FAM221B: variants seen among roughly 807,000 people sequenced by gnomAD.
FAM221B encodes family with sequence similarity 221 member B.
A neutral mutation model predicts 39.8 loss-of-function variants in FAM221B; 35 were observed. That is an observed-to-expected ratio of 0.88 (90% confidence interval 0.67 to 1.17). The LOEUF is 1.17. Ranked by LOEUF, FAM221B falls within the 50% of genes most tolerant of loss-of-function variation. The pLI is 0.00. For synonymous variants in FAM221B, 158 were observed against 178.1 expected (o/e 0.89, Z 0.90); for missense variants, 479 against 503.1 (o/e 0.95, Z 0.46).
chr9:35,828,646 T>C lies in FAM221B; in HGVS notation c.-184A>G. ...TATCTGGGAAGGGGACTTGGATATC[T>C]GCAGAACTTCGCAAAGGAGCTCTGG... On this transcript the variant is annotated 5_prime_UTR_variant, in exon 1 of 7. Coordinates refer to ENST00000423537, the MANE Select transcript of FAM221B (RefSeq NM_001012446.4). The surrounding 1 kb of genome is among the most constrained non-coding windows in gnomAD (Gnocchi z 4.5). 1.0e-6 allele frequency: 1 copy of C among 985,572 alleles called. No homozygotes were observed. Among genetic ancestry groups the C allele is most frequent in the Non-Finnish European group, 1.2e-6 (1 of 830,026 alleles). 61.1% of individuals were successfully genotyped at this position (985,572 alleles called of 1,614,324 possible). A position where few individuals can be genotyped will look rare whatever the true frequency, so the allele number is the denominator to read the frequency against.
Position 35,818,971 on chromosome 9 carries a change from C to T in FAM221B, c.1090G>A (p.Ala364Thr). 1 of 1,551,666 alleles carries T rather than the reference C, an allele frequency of 6.4e-7. No homozygotes were observed. Among genetic ancestry groups the T allele is most frequent in the Non-Finnish European group, 8.7e-7 (1 of 1,147,000 alleles). ...TCCTCCCAGCGCCGGTCACAGGCCG[C>T]ACAGAGGAAATTAGACTCAAAACAG... Reference protein sequence around the residue: ...CGCFESNFLCAACDRRWEEHE... With the variant: ...CGCFESNFLCTACDRRWEEHE... The change falls in exon 6 of 7, where the codon GCG becomes ACG. Residue 364 changes from alanine to threonine, a missense_variant. Transcript: ENST00000423537.
rs1037344929 is a variant in FAM221B, at chr9:35,819,221, C to T, written c.1027G>A (p.Gly343Arg). ...KHSHEEHAAT[G>R]PHPCRHHGCC... ...CCATGATGCCTGCAGGGATGGGGCC[C>T]AGTGGCTGCATGTTCTTCGTGGCTG... is the stretch of plus-strand genomic sequence containing the variant. Residue 343 changes from glycine to arginine, a missense_variant, in exon 5 of 7, where the codon GGG (glycine) becomes AGG (arginine). Gly to Arg is a moderately radical substitution (Grantham distance 125, BLOSUM62 -2). Transcript: ENST00000423537. 1.3e-6 allele frequency: 2 copies of T among 1,551,522 alleles called. No homozygotes were observed. The highest frequency in any genetic ancestry group is 2.7e-5 in the African/African-American group (2 of 73,052).
rs1588088389 is a variant in FAM221B, at chr9:35,818,350, C to A, written c.*119G>T. 2.2e-6 allele frequency: 2 copies of A among 924,426 alleles called. No individual in the cohort carries two copies. The highest frequency in any genetic ancestry group is 3.4e-6 in the Non-Finnish European group (2 of 585,236). The allele number at this position is 924,426 out of a possible 1,614,324, so 57.3% of individuals were successfully genotyped here. On this transcript the variant is annotated 3_prime_UTR_variant, in exon 7 of 7. Coordinates refer to ENST00000423537, the MANE Select transcript of FAM221B (RefSeq NM_001012446.4). Reference sequence around the variant, plus strand: ...GCCAGATCCAGGCTTTCTCCTGTGTCTAATAGGTGTCAACTCTAAGTTATT... The same window carrying A: ...GCCAGATCCAGGCTTTCTCCTGTGTATAATAGGTGTCAACTCTAAGTTATT...
chr9:35,826,211 G>A (rs749697349), intron 1 of FAM221B, 50 bp from the exon 2 acceptor site: 12 of 1,398,290 alleles, frequency 8.6e-6, no homozygotes, highest in East Asian at 4.6e-5. Context: ...ATAGAGGGCC[G>A]GCAAGTCAGG....
At chr9:35,822,332 T>C (rs956096947) in intron 3 of FAM221B, among the ~76,000 whole-genome samples, 1 of 152,220 alleles carries the variant, frequency 6.6e-6, no homozygotes, top group Non-Finnish European at 1.5e-5. Context: ...TTTCCCTCTC[T>C]CTTATCCTAT....
rs1016074809 is a variant in FAM221B, at chr9:35,818,303, G to A, written c.*166C>T. 7.7e-6 allele frequency: 5 copies of A among 647,926 alleles called. No individual in the cohort carries two copies. Among genetic ancestry groups the A allele is most frequent in the African/African-American group, 3.6e-5 (2 of 55,196 alleles). The allele number at this position is 647,926 out of a possible 1,614,324, so 40.1% of individuals were successfully genotyped here. A position where few individuals can be genotyped will look rare whatever the true frequency, so the allele number is the denominator to read the frequency against. On this transcript the variant is annotated 3_prime_UTR_variant, in exon 7 of 7. Transcript: ENST00000423537. ...CTTTCCTTCAACAGGCAGCTTGAAT[G>A]TGAGTGTGATGGAGGCAGATGGCCA...
In FAM221B at chr9:35,828,637, T is replaced by G. The variant is rs544432893; in HGVS notation, c.-175A>C. On this transcript the variant is annotated 5_prime_UTR_variant, in exon 1 of 7. Coordinates refer to ENST00000423537, the MANE Select transcript of FAM221B (RefSeq NM_001012446.4). The surrounding 1 kb of genome is among the most constrained non-coding windows in gnomAD (Gnocchi z 4.5). Reference sequence around the variant, plus strand: ...AAAGTCTGCTATCTGGGAAGGGGACTTGGATATCTGCAGAACTTCGCAAAG... The same window carrying G: ...AAAGTCTGCTATCTGGGAAGGGGACGTGGATATCTGCAGAACTTCGCAAAG... 9.1e-6 allele frequency: 9 copies of G among 985,432 alleles called. No homozygotes were observed. Among genetic ancestry groups the G allele is most frequent in the Non-Finnish European group, 1.1e-5 (9 of 830,034 alleles). The allele number at this position is 985,432 out of a possible 1,614,324, so 61.0% of individuals were successfully genotyped here. A position where few individuals can be genotyped will look rare whatever the true frequency, so the allele number is the denominator to read the frequency against.
In FAM221B at chr9:35,818,318, G is replaced by T; in HGVS notation, c.*151C>A. On this transcript the variant is annotated 3_prime_UTR_variant, in exon 7 of 7. Coordinates refer to ENST00000423537, the MANE Select transcript of FAM221B (RefSeq NM_001012446.4). ...CAGCTTGAATGTGAGTGTGATGGAG[G>T]CAGATGGCCAGATCCAGGCTTTCTC... The T allele has an allele frequency of 1.4e-6, 1 of 703,596 alleles. No homozygotes were observed. The highest frequency in any genetic ancestry group is 2.5e-6 in the Non-Finnish European group (1 of 407,410). The allele number at this position is 703,596 out of a possible 1,614,324, so 43.6% of individuals were successfully genotyped here. A position where few individuals can be genotyped will look rare whatever the true frequency, so the allele number is the denominator to read the frequency against.
chr9:35,821,443 G>C, intron 3 of FAM221B: 16 of 1,367,812 alleles, frequency 1.2e-5, no homozygotes, highest in Non-Finnish European at 1.6e-5. Flanking sequence ...CTTACCCATA[G>C]TCTGTCAGGA....
At chr9:35,821,654 A>G (rs757279651) in intron 3 of FAM221B, 1 of 1,362,472 alleles carries the variant, frequency 7.3e-7, no homozygotes, top group Non-Finnish European at 9.8e-7. Flanking sequence ...ACATTAAAAA[A>G]GCAGGAGGTG....
At chr9:35,823,049 G>A (rs1829185074) in intron 3 of FAM221B, among the ~76,000 whole-genome samples, 1 of 152,286 alleles carries the variant, frequency 6.6e-6, no homozygotes, top group African/African-American at 2.4e-5. Flanking sequence ...ATCAGGCATA[G>A]TGCATTGCTA....
chr9:35,825,135 G>T lies in FAM221B; in HGVS notation c.742+95C>A. ...GGTGGTATAGCCATTTCCAAAAGGG[G>T]AAGCTATCTGCTGAATGTTCAGGTT... is the stretch of plus-strand genomic sequence containing the variant. On this transcript the variant is annotated intron_variant, in intron 3 of 6. Coordinates refer to ENST00000423537, the MANE Select transcript of FAM221B (RefSeq NM_001012446.4). This position sits in a 1 kb window ranked among gnomAD's most constrained non-coding sequence, Gnocchi z 4.2. 1 of 1,442,540 alleles carries T rather than the reference G, an allele frequency of 6.9e-7. No homozygotes were observed. Among genetic ancestry groups the T allele is most frequent in the South Asian group, 1.3e-5 (1 of 79,744 alleles). The allele number at this position is 1,442,540 out of a possible 1,614,324, so 89.4% of individuals were successfully genotyped here.
In FAM221B at chr9:35,828,116, A is replaced by T. The variant is rs1185211071; in HGVS notation, c.-1+347T>A. Among the ~76,000 whole-genome samples, 1 of 152,088 alleles carries T rather than the reference A, an allele frequency of 6.6e-6. No homozygotes were observed. Among genetic ancestry groups the T allele is most frequent in the Non-Finnish European group, 1.5e-5 (1 of 68,018 alleles). On this transcript the variant is annotated intron_variant, in intron 1 of 6. Transcript: ENST00000423537. The surrounding 1 kb of genome is among the most constrained non-coding windows in gnomAD (Gnocchi z 4.5). ...AGACCAGCCTGGCCAACATGGTGAA[A>T]CCCAGTCTCTACTAAAAATACAAAA...
In FAM221B at chr9:35,825,883, T is replaced by A; in HGVS notation, c.279A>T (p.Ser93=). 6.2e-7 allele frequency: 1 copy of A among 1,614,046 alleles called. No homozygotes were observed. The highest frequency in any genetic ancestry group is 8.5e-7 in the Non-Finnish European group (1 of 1,180,010). ...TPSETPTYEA[S]LDSPISVVPE... is the part of the protein sequence containing the mutation. ...GCACCACTGAGATGGGACTATCCAATGAAGCCTCATAGGTAGGGGTCTCTG... is the reference window on the plus strand; with the variant it reads ...GCACCACTGAGATGGGACTATCCAAAGAAGCCTCATAGGTAGGGGTCTCTG... The change falls in exon 2 of 7, where the codon TCA becomes TCT. Residue 93 remains serine, a synonymous_variant. Transcript: ENST00000423537. This position sits in a 1 kb window ranked among gnomAD's most constrained non-coding sequence, Gnocchi z 4.2.
intron 3 of FAM221B, among the ~76,000 whole-genome samples, chr9:35,823,403 C>T (rs1564006766): frequency 2.6e-5 from 4 of 152,120 alleles, no homozygotes; most frequent in Non-Finnish European, 4.4e-5. Flanking sequence ...AAATGTTTGT[C>T]GAATGAATAA....
At chr9:35,827,405 A>T (rs928167982) in intron 1 of FAM221B, among the ~76,000 whole-genome samples, 2 of 152,180 alleles carry the variant, frequency 1.3e-5, no homozygotes, top group Non-Finnish European at 2.9e-5. Context: ...CAATGAGCCT[A>T]ATCTGATGCT....
chr9:35,818,759 T>TGGGTGGTG, intron 6 of FAM221B, 131 bp downstream of exon 6: 1 of 1,238,642 alleles, frequency 8.1e-7, no homozygotes, highest in Non-Finnish European at 1.1e-6. Context: ...TGCAGGTAGG[T>TGGGTGGTG]GGGTGGTGGG....
chr9:35,820,012 G>C lies in FAM221B; in HGVS notation c.743-12C>G, dbSNP rs1472691931. 6.3e-7 allele frequency: 1 copy of C among 1,594,724 alleles called. No homozygotes were observed. Among genetic ancestry groups the C allele is most frequent in the Non-Finnish European group, 8.6e-7 (1 of 1,162,798 alleles). On this transcript the variant is annotated splice_polypyrimidine_tract_variant and intron_variant, in intron 3 of 6. Transcript: ENST00000423537. ...GCCAATGTAGAGACCTAGGTATGCA[G>C]GATTAAAAGTGAGAAGTAAAAAAAT...
At chr9:35,820,328 C>T (rs1269273696) in intron 3 of FAM221B, among the ~76,000 whole-genome samples, 1 of 152,184 alleles carries the variant, frequency 6.6e-6, no homozygotes, top group African/African-American at 2.4e-5. Context: ...ACATGAATCT[C>T]ACTGAGTTCT....
Sources: allele counts gnomAD v4.1 joint callset (sites outside exome capture counted in the v4.1 genomes callset), GRCh38; gene constraint gnomAD v4.1.1; non-coding constraint Gnocchi (gnomAD v3.1); transcripts MANE v1.5; gene names NCBI Gene and HGNC (gene_info 2026-07-23, HGNC 2026-07-21).